Variants in MID1 observed in about 807,000 individuals in gnomAD.
MID1 encodes the protein E3 ubiquitin-protein ligase Midline-1.
MID1 carries 7 observed loss-of-function variants against 40.4 expected under a neutral mutation model. The observed-to-expected ratio is 0.17, with a 90% confidence interval of 0.10 to 0.33. The LOEUF is 0.33. MID1 is among the 10% of genes least tolerant of loss of function. The pLI, the probability that MID1 is intolerant of heterozygous loss-of-function variation, is 1.00. For synonymous variants in MID1, 229 were observed against 221.2 expected, an observed-to-expected ratio of 1.04 and a Z score of -0.31; for missense variants, 367 against 558.5, an observed-to-expected ratio of 0.66 and a Z score of 3.46.
chrX:10,543,602 G>A (rs747501956), intron 2 of MID1, among the ~76,000 whole-genome samples: 1 of 111,105 alleles, frequency 9.0e-6, no homozygotes, highest in East Asian at 2.8e-4. Context: ...AAGCACTTTG[G>A]GGGGCTGAGG....
chrX:10,745,284 T>A (rs1040399348), intron 1 of MID1, among the ~76,000 whole-genome samples: 6 of 112,285 alleles, frequency 5.3e-5, no homozygotes, highest in South Asian at 3.8e-4. Context: ...TCATTCTTCC[T>A]CTCTCATGCT....
chrX:10,732,686 A>C (rs2043458001), intron 1 of MID1, among the ~76,000 whole-genome samples: 1 of 111,919 alleles, frequency 8.9e-6, no homozygotes, highest in African/African-American at 3.2e-5. Context: ...AACAATCCTT[A>C]ACAGAATAAC....
At chrX:10,772,103 A>T (rs2043774785) in intron 1 of MID1, among the ~76,000 whole-genome samples, 1 of 110,835 alleles carries the variant, frequency 9.0e-6, no homozygotes, top group Non-Finnish European at 1.9e-5. Flanking sequence ...CCAAATGGCC[A>T]TCAATCAAGT....
chrX:10,793,998 C>T (rs773239127), intron 1 of MID1, among the ~76,000 whole-genome samples: 175 of 111,764 alleles, frequency 1.6e-3, no homozygotes, highest in Non-Finnish European at 2.9e-3. Context: ...CCCTCCTTCC[C>T]TGCCACTTCT....
At chrX:10,670,141 C>T (rs2042978797) in intron 1 of MID1, among the ~76,000 whole-genome samples, 1 of 112,353 alleles carries the variant, frequency 8.9e-6, no homozygotes, top group Admixed American at 9.4e-5. Flanking sequence ...GTCCCTTTCA[C>T]ATAGTAGATA....
At chrX:10,575,881 TTACTCTGAATTA>T (rs1934858981) in intron 1 of MID1, among the ~76,000 whole-genome samples, 1 of 110,432 alleles carries the variant, frequency 9.1e-6, no homozygotes, top group African/African-American at 3.3e-5. Flanking sequence ...GTAAAGAATG[TTACTCTGAATTA>T]TCACTGCATT....
At chrX:10,638,283 T>A (rs1240788777) in intron 1 of MID1, among the ~76,000 whole-genome samples, 2 of 111,656 alleles carry the variant, frequency 1.8e-5, no homozygotes, top group East Asian at 5.7e-4. Flanking sequence ...AGACAGCAAC[T>A]GGAAAATCGG....
chrX:10,613,998 G>A (rs1935798093), intron 1 of MID1, among the ~76,000 whole-genome samples: 1 of 108,219 alleles, frequency 9.2e-6, no homozygotes, highest in Admixed American at 1.0e-4. Flanking sequence ...AATTCACCCA[G>A]CATGTGCCTG....
intron 2 of MID1, among the ~76,000 whole-genome samples, chrX:10,532,841 C>T (rs1449136196): frequency 9.1e-6 from 1 of 109,489 alleles, no homozygotes; most frequent in East Asian, 2.9e-4. Flanking sequence ...GATCTCAGCT[C>T]ACTGCAACCT....
At chrX:10,779,798 G>C (rs2043831712) in intron 1 of MID1, among the ~76,000 whole-genome samples, 2 of 111,045 alleles carry the variant, frequency 1.8e-5, no homozygotes, top group African/African-American at 3.3e-5. Context: ...TTGAGGAAGA[G>C]GTATATGAGT....
intron 1 of MID1, among the ~76,000 whole-genome samples, chrX:10,739,655 G>C (rs2043509040): frequency 8.9e-6 from 1 of 111,940 alleles, no homozygotes. Flanking sequence ...TGGGTTGGGT[G>C]GAATGTGGAG....
intron 1 of MID1, among the ~76,000 whole-genome samples, chrX:10,676,153 C>T (rs1162645195): frequency 1.8e-5 from 2 of 112,168 alleles, no homozygotes; most frequent in African/African-American, 6.5e-5. Context: ...GTTGTACCCC[C>T]CAAACTAATC....
At chrX:10,589,587 C>G (rs1383658231) in intron 1 of MID1, 1 of 111,803 alleles carries the variant, frequency 8.9e-6, no homozygotes, top group Admixed American at 9.4e-5. Flanking sequence ...CTAGTCTTAC[C>G]AAGTTTTAGA....
At chrX:10,466,489 A>G (rs772811763) in intron 7 of MID1, among the ~76,000 whole-genome samples, 7 of 111,431 alleles carry the variant, frequency 6.3e-5, no homozygotes, top group African/African-American at 2.3e-4. Flanking sequence ...CAACTTCGAC[A>G]TTACTGACAT....
intron 1 of MID1, among the ~76,000 whole-genome samples, chrX:10,669,443 T>C (rs892507502): frequency 9.0e-6 from 1 of 111,299 alleles, no homozygotes. Flanking sequence ...AAGGCACCTG[T>C]CAGTAATTAT....
intron 1 of MID1, among the ~76,000 whole-genome samples, chrX:10,739,545 T>A (rs1427759258): frequency 8.9e-6 from 1 of 111,743 alleles, no homozygotes; most frequent in Non-Finnish European, 1.9e-5. Context: ...AAGAAAATGA[T>A]TAAGCTAAAA....
At chrX:10,776,152 C>A (rs1016978822) in intron 1 of MID1, among the ~76,000 whole-genome samples, 1 of 112,026 alleles carries the variant, frequency 8.9e-6, no homozygotes, top group South Asian at 3.7e-4. Context: ...GCAGTTTGTG[C>A]CTTTTTGTCT....
In MID1 at chrX:10,529,289, G is replaced by C. The variant is rs141803840; in HGVS notation, c.661-6102C>G. Among the ~76,000 whole-genome samples the C allele has an allele frequency of 9.2e-3, 1,027 of 111,743 alleles. 7 individuals carry two copies. The highest frequency in any genetic ancestry group is 0.028 in the African/African-American group (850 of 30,766). On this transcript the variant is annotated intron_variant, in intron 2 of 9. Coordinates refer to ENST00000317552, the MANE Select transcript of MID1 (RefSeq NM_000381.4). ...TGCCCACACATTTCATAAATGATTT[G>C]TTCTGTAGATTTTCAATTTAGTAGT...
chrX:10,518,186 G>A (rs1388973577), intron 3 of MID1, among the ~76,000 whole-genome samples: 1 of 111,722 alleles, frequency 9.0e-6, no homozygotes, highest in Non-Finnish European at 1.9e-5. Flanking sequence ...TCCAAAACAT[G>A]GAAAAAAGAG....
Sources: gnomAD v4.1 joint callset for allele counts (sites outside exome capture counted in the v4.1 genomes callset) on GRCh38, gnomAD v4.1.1 for gene constraint, MANE v1.5 for transcripts, NCBI Gene and HGNC (gene_info 2026-07-23, HGNC 2026-07-21) for gene names.